Variants in LAMC2 observed in about 807,000 individuals in gnomAD.
The protein encoded by LAMC2 is laminin subunit gamma-2.
LAMC2 carries 97 observed loss-of-function variants against 140.2 expected under a neutral mutation model. The observed-to-expected ratio is 0.69, with a 90% confidence interval of 0.59 to 0.82. The LOEUF (loss-of-function observed/expected upper bound fraction) is 0.82. Among genes scored for constraint, LAMC2 ranks in the 40% least tolerant of loss-of-function variants. LAMC2 has a pLI of 0.00. For missense variants in LAMC2, 1,402 were observed against 1,476.1 expected (o/e 0.95, Z 0.82); for synonymous variants, 513 against 540.2 (o/e 0.95, Z 0.70).
the LAMC2 span, among the ~76,000 whole-genome samples, chr1:183,255,789 G>A: frequency 2.0e-5 from 3 of 150,764 alleles, no homozygotes; most frequent in East Asian, 4.0e-4. Context: ...TCGGCCTCCC[G>A]AGTAGCTCGG....
intron 20 of LAMC2, 98 bp downstream of exon 20, chr1:183,239,661 C>G (rs1660071001): frequency 9.3e-7 from 1 of 1,069,868 alleles, no homozygotes; most frequent in African/African-American, 1.6e-5. Context: ...ACCTCTGAGG[C>G]TCAGAGCCCT....
chr1:183,186,276 A>C lies in LAMC2; in HGVS notation c.-77A>C, dbSNP rs1658142636. 6.5e-7 allele frequency: 1 copy of C among 1,532,684 alleles called. No individual in the cohort carries two copies. Among genetic ancestry groups the C allele is most frequent in the East Asian group, 2.4e-5 (1 of 41,652 alleles). 94.9% of individuals were successfully genotyped at this position (1,532,684 alleles called of 1,614,324 possible). On this transcript the variant is annotated 5_prime_UTR_variant, in exon 1 of 23. Coordinates refer to ENST00000264144, the MANE Select transcript of LAMC2 (RefSeq NM_005562.3). ...GGAAAAGGAAGGCACAGCGGAGCGC[A>C]GAGTGAGAACCACCAACCGAGGCGC...
chr1:183,200,579 C>T (rs181883595), intron 1 of LAMC2, among the ~76,000 whole-genome samples: 16 of 152,286 alleles, frequency 1.1e-4, no homozygotes, highest in Middle Eastern at 3.4e-3. Flanking sequence ...TGCGTACAAC[C>T]TGAGGAAATA....
the LAMC2 span, among the ~76,000 whole-genome samples, chr1:183,253,597 A>G: frequency 2.6e-5 from 4 of 151,890 alleles, no homozygotes; most frequent in Admixed American, 6.6e-5. Context: ...TCTGCCCTCC[A>G]CACTTGACCC....
intron 14 of LAMC2, among the ~76,000 whole-genome samples, chr1:183,233,745 G>C (rs1490836771): frequency 2.0e-5 from 3 of 149,586 alleles, no homozygotes; most frequent in East Asian, 2.0e-4. Context: ...TATTTTTTTT[G>C]GCTTCCAGCA....
intron 1 of LAMC2, among the ~76,000 whole-genome samples, 176 bp downstream of exon 1, chr1:183,186,607 A>G (rs778150981): frequency 1.4e-4 from 21 of 152,230 alleles, no homozygotes; most frequent in South Asian, 4.1e-4. Context: ...AAATGAGACT[A>G]ATATATAAAG....
intron 12 of LAMC2, among the ~76,000 whole-genome samples, chr1:183,231,932 A>G (rs1006210543): frequency 6.6e-6 from 1 of 152,212 alleles, no homozygotes; most frequent in Non-Finnish European, 1.5e-5. Flanking sequence ...TAACTTTAGG[A>G]GACACTATTC....
chr1:183,215,353 G>A (rs1659218082), intron 2 of LAMC2, 100 bp from the exon 3 acceptor site: 14 of 1,338,362 alleles, frequency 1.0e-5, no homozygotes, highest in Admixed American at 9.2e-5. Flanking sequence ...TTCTTACTTC[G>A]TGTTTACGGA....
rs1660073936 is a variant in LAMC2, at chr1:183,239,760, T to C, written c.3069+197T>C. ...ATGTGTTTTTTTGTCCTCCGGGTTTTCCCAAATGGTTCCTAACTCTGTTCA... is the reference window on the plus strand; with the variant it reads ...ATGTGTTTTTTTGTCCTCCGGGTTTCCCCAAATGGTTCCTAACTCTGTTCA... On this transcript the variant is annotated intron_variant, in intron 20 of 22. Coordinates refer to ENST00000264144, the MANE Select transcript of LAMC2 (RefSeq NM_005562.3). The C allele has an allele frequency of 3.6e-5, 23 of 642,150 alleles. No individual in the cohort carries two copies. The South Asian group carries it at 4.5e-4, about 13-fold the overall frequency. 39.8% of individuals were successfully genotyped at this position (642,150 alleles called of 1,614,324 possible). A position where few individuals can be genotyped will look rare whatever the true frequency, so the allele number is the denominator to read the frequency against.
chr1:183,258,408 G>T, the LAMC2 span, among the ~76,000 whole-genome samples: 1 of 152,154 alleles, frequency 6.6e-6, no homozygotes, highest in Non-Finnish European at 1.5e-5. Flanking sequence ...CAGTGAAAGA[G>T]ATCTAACTTA....
At chr1:183,196,158 A>G (rs994590626) in intron 1 of LAMC2, among the ~76,000 whole-genome samples, 1 of 148,574 alleles carries the variant, frequency 6.7e-6, no homozygotes, top group Admixed American at 6.7e-5. Context: ...TTTTTTTGAG[A>G]TGGAGTTTCA....
At chr1:183,209,695 T>A (rs1659012632) in intron 2 of LAMC2, among the ~76,000 whole-genome samples, 1 of 152,194 alleles carries the variant, frequency 6.6e-6, no homozygotes, top group Non-Finnish European at 1.5e-5. Context: ...CCCAGTGAAA[T>A]GATCAGTGAG....
rs1660062054 is a variant in LAMC2 at position 183,239,435 on chromosome 1, C to G, written c.2941C>G (p.Gln981Glu). 3 of 1,614,046 alleles carry G rather than the reference C, an allele frequency of 1.9e-6. No homozygotes were observed. Among genetic ancestry groups the G allele is most frequent in the Non-Finnish European group, 2.5e-6 (3 of 1,180,028 alleles). Residue 981 changes from glutamine to glutamate, a missense_variant, in exon 20 of 23, where the codon CAG becomes GAG. Coordinates refer to ENST00000264144, the MANE Select transcript of LAMC2 (RefSeq NM_005562.3). The part of the protein sequence containing the change: ...EAMKRLSYIS[Q>E]KVSDASDKTQ... ...CATGAAGAGACTCTCCTACATCAGC[C>G]AGAAGGTTTCAGATGCCAGTGACAA... is the stretch of plus-strand genomic sequence containing the variant.
intron 6 of LAMC2, among the ~76,000 whole-genome samples, 166 bp downstream of exon 6, chr1:183,222,377 G>A (rs1379884793): frequency 2.6e-5 from 4 of 152,156 alleles, no homozygotes; most frequent in Non-Finnish European, 5.9e-5. Context: ...AGCCTGATTT[G>A]AGAGTCACTA....
chr1:183,235,753 G>A (rs763233316), intron 16 of LAMC2, 23 bp downstream of exon 16: 41 of 1,613,260 alleles, frequency 2.5e-5, no homozygotes, highest in South Asian at 1.9e-4. Flanking sequence ...GGGTCCTCCC[G>A]TGGCTCATTA....
In LAMC2 at chr1:183,232,363, C is replaced by T; in HGVS notation, c.2014+20C>T. 6.2e-7 allele frequency: 1 copy of T among 1,613,556 alleles called. No homozygotes were observed. Among genetic ancestry groups the T allele is most frequent in the Non-Finnish European group, 8.5e-7 (1 of 1,179,738 alleles). On this transcript the variant is annotated intron_variant, in intron 13 of 22. Transcript: ENST00000264144. ...CAGAAGGTGATGAAGGCCAACTTCC[C>T]TTCAGACAGAAGAGAATTCATAGTC...
chr1:183,231,627 A>G lies in LAMC2; in HGVS notation c.1857+524A>G, dbSNP rs1272822175. Among the ~76,000 whole-genome samples, 7 of 152,252 alleles carry G rather than the reference A, an allele frequency of 4.6e-5. No homozygotes were observed. The East Asian group carries it at 1.2e-3, about 25-fold the overall frequency. ...AAGTATCAAGGCTTCCCAAAAAGGA[A>G]TGGCCTCCAGAAATTTCTCATTTGA... On this transcript the variant is annotated intron_variant, in intron 12 of 22. Coordinates refer to ENST00000264144, the MANE Select transcript of LAMC2 (RefSeq NM_005562.3).
chr1:183,254,049 G>A, the LAMC2 span, among the ~76,000 whole-genome samples: 6 of 152,024 alleles, frequency 3.9e-5, no homozygotes, highest in Admixed American at 3.9e-4. Context: ...AATGAACTTG[G>A]AAATGCAGAT....
At chr1:183,204,489 G>T (rs1658821858) in intron 1 of LAMC2, among the ~76,000 whole-genome samples, 1 of 151,044 alleles carries the variant, frequency 6.6e-6, no homozygotes, top group African/African-American at 2.4e-5. Context: ...AAAATTAGTT[G>T]GGCATGGTGG....
Sources: gnomAD v4.1 joint callset for allele counts (sites outside exome capture counted in the v4.1 genomes callset) on GRCh38, gnomAD v4.1.1 for gene constraint, MANE v1.5 for transcripts, NCBI Gene and HGNC (gene_info 2026-07-23, HGNC 2026-07-21) for gene names.